Variants in EMCN observed in about 807,000 individuals in gnomAD.
EMCN encodes the protein endomucin, also known as MUC-14.
EMCN carries 37 observed loss-of-function variants against 38.4 expected under a neutral mutation model. The ratio of observed to expected loss-of-function variants is 0.96; its 90% CI spans 0.74 to 1.27. EMCN has a LOEUF of 1.27. EMCN is among the 50% of genes most tolerant of loss of function. EMCN has a pLI of 0.00. For synonymous variants in EMCN, 95 were observed against 100.8 expected, an observed-to-expected ratio of 0.94 and a Z score of 0.35; for missense variants, 318 against 302.8, an observed-to-expected ratio of 1.05 and a Z score of -0.37.
At chr4:100,473,145 G>C (rs1226254941) in intron 3 of EMCN, among the ~76,000 whole-genome samples, 1 of 149,664 alleles carries the variant, frequency 6.7e-6, no homozygotes, top group Admixed American at 6.7e-5. Flanking sequence ...CTCCCGGGTA[G>C]CTGGGATTAC....
At chr4:100,489,603 G>A (rs1420300921) in intron 1 of EMCN, among the ~76,000 whole-genome samples, 1 of 152,156 alleles carries the variant, frequency 6.6e-6, no homozygotes, top group Non-Finnish European at 1.5e-5. Context: ...AAAAAAACCT[G>A]TGCTGCCAGT....
intron 3 of EMCN, 112 bp downstream of exon 3, chr4:100,474,926 A>G (rs1728591254): frequency 4.5e-6 from 2 of 448,142 alleles, no homozygotes; most frequent in Non-Finnish European, 7.7e-6. Context: ...GGTGGCTGTA[A>G]AATCTTGTTA....
intron 3 of EMCN, 24 bp downstream of exon 3, chr4:100,475,014 G>A (rs1304199939): frequency 7.6e-7 from 1 of 1,316,890 alleles, no homozygotes; most frequent in South Asian, 1.5e-5. Context: ...TTTTAAAATT[G>A]TAGAAAAATG....
At chr4:100,433,650 C>T (rs1319381074) in intron 5 of EMCN, among the ~76,000 whole-genome samples, 2 of 151,972 alleles carry the variant, frequency 1.3e-5, no homozygotes, top group African/African-American at 4.8e-5. Context: ...ATTCTCCTGC[C>T]TCAGCCTCTT....
At chr4:100,402,145 C>T (rs1726276322) in intron 11 of EMCN, among the ~76,000 whole-genome samples, 2 of 152,046 alleles carry the variant, frequency 1.3e-5, no homozygotes, top group African/African-American at 4.8e-5. Flanking sequence ...TATATGATTT[C>T]ATGCTCCCAC....
intron 5 of EMCN, among the ~76,000 whole-genome samples, chr4:100,428,011 CTG>C (rs1727097881): frequency 6.6e-6 from 1 of 152,016 alleles, no homozygotes; most frequent in South Asian, 2.1e-4. Flanking sequence ...GCCATCTACT[CTG>C]TGATCACCCT....
In EMCN at chr4:100,423,354, A is replaced by AAACT; in HGVS notation, c.465_466insAGTT (p.Ile157PhefsTer19). 1 of 1,613,130 alleles carries AAACT rather than the reference A, an allele frequency of 6.2e-7. No homozygotes were observed. Among genetic ancestry groups the AAACT allele is most frequent in the Non-Finnish European group, 8.5e-7 (1 of 1,179,410 alleles). Reference sequence around the variant, plus strand: ...TTTTCTGGAATTGTAACTGGTATTGAGGTTAATGTACCAGTTTTAGAAGGT... The same window carrying AAACT: ...TTTTCTGGAATTGTAACTGGTATTGAAACTGGTTAATGTACCAGTTTTAGAAGGT... On this transcript the variant is annotated frameshift_variant, in exon 6 of 12. Coordinates refer to ENST00000296420, the MANE Select transcript of EMCN (RefSeq NM_016242.4). LOFTEE classifies it high-confidence loss of function.
At chr4:100,426,735 C>A (rs1727054789) in intron 5 of EMCN, among the ~76,000 whole-genome samples, 1 of 152,046 alleles carries the variant, frequency 6.6e-6, no homozygotes, top group Admixed American at 6.6e-5. Context: ...TTTGTTTAAA[C>A]CTTTTATTTT....
intron 4 of EMCN, among the ~76,000 whole-genome samples, chr4:100,458,240 T>C (rs1287079294): frequency 6.6e-6 from 1 of 152,166 alleles, no homozygotes; most frequent in Non-Finnish European, 1.5e-5. Context: ...TTTTCTTTGT[T>C]GGGAGGTTTA....
chr4:100,438,052 G>A (rs1455812867), intron 5 of EMCN, among the ~76,000 whole-genome samples: 2 of 151,282 alleles, frequency 1.3e-5, no homozygotes, highest in Non-Finnish European at 3.0e-5. Flanking sequence ...ATTTATTTCT[G>A]TCTCCTTCAA....
At chr4:100,447,492 C>A (rs62305703) in intron 5 of EMCN, 41 bp downstream of exon 5, 18 of 1,420,304 alleles carry the variant, frequency 1.3e-5, no homozygotes, top group Admixed American at 1.8e-5. Context: ...AGATTTTACC[C>A]ATGAAAATAC....
chr4:100,408,259 G>A (rs1726450352), intron 11 of EMCN, among the ~76,000 whole-genome samples: 1 of 152,166 alleles, frequency 6.6e-6, no homozygotes. Context: ...TCACTGCAGA[G>A]CAGCTAGTTC....
chr4:100,457,330 T>C (rs1254508565), intron 4 of EMCN, among the ~76,000 whole-genome samples: 2 of 152,134 alleles, frequency 1.3e-5, no homozygotes, highest in Non-Finnish European at 2.9e-5. Flanking sequence ...TTGCTCTGAA[T>C]AGAACTTTCA....
intron 5 of EMCN, among the ~76,000 whole-genome samples, chr4:100,425,315 C>G (rs963340332): frequency 8.7e-5 from 13 of 149,182 alleles, no homozygotes; most frequent in Non-Finnish European, 1.3e-4. Flanking sequence ...GTTATTCTTT[C>G]TGTGACTAAG....
At chr4:100,408,179 G>A (rs1294906646) in intron 11 of EMCN, among the ~76,000 whole-genome samples, 2 of 152,128 alleles carry the variant, frequency 1.3e-5, no homozygotes, top group African/African-American at 4.8e-5. Flanking sequence ...CTGATTTTCA[G>A]TGATCTTCAT....
At chr4:100,496,958 G>A (rs536348799) in intron 1 of EMCN, among the ~76,000 whole-genome samples, 4 of 151,984 alleles carry the variant, frequency 2.6e-5, no homozygotes, top group African/African-American at 9.6e-5. Flanking sequence ...GACAGAAAGT[G>A]AGTCCCATTC....
At chr4:100,467,019 G>A (rs1484733975) in intron 3 of EMCN, among the ~76,000 whole-genome samples, 1 of 151,806 alleles carries the variant, frequency 6.6e-6, no homozygotes, top group East Asian at 1.9e-4. Flanking sequence ...GATGTGGAGG[G>A]CTGCCAGATT....
At chr4:100,463,487 GC>G (rs1423289523) in intron 4 of EMCN, among the ~76,000 whole-genome samples, 2 of 151,990 alleles carry the variant, frequency 1.3e-5, no homozygotes, top group Non-Finnish European at 2.9e-5. Flanking sequence ...TTTCAACAAA[GC>G]TTTATAAAAA....
At chr4:100,437,107 G>C (rs542607642) in intron 5 of EMCN, among the ~76,000 whole-genome samples, 14 of 152,118 alleles carry the variant, frequency 9.2e-5, no homozygotes, top group Non-Finnish European at 2.1e-4. Context: ...TTGACTTTTT[G>C]ATAATATACA....
Sources: gnomAD v4.1 joint callset for allele counts (sites outside exome capture counted in the v4.1 genomes callset) on GRCh38, gnomAD v4.1.1 for gene constraint, MANE v1.5 for transcripts, NCBI Gene and HGNC (gene_info 2026-07-23, HGNC 2026-07-21) for gene names.